The following UNC13C variants were observed in gnomAD, a reference collection of about 807,000 sequenced individuals.
UNC13C encodes the protein protein unc-13 homolog C.
A neutral mutation model predicts 245.4 loss-of-function variants in UNC13C; 174 were observed. The observed-to-expected ratio is 0.71, with a 90% CI of 0.63 to 0.80. UNC13C has a LOEUF of 0.80. UNC13C is among the 30% of genes least tolerant of loss of function. The probability of loss-of-function intolerance (pLI) is 0.00; values close to 1 mark genes in which losing one functional copy is unlikely to be tolerated. For missense variants in UNC13C, 2,829 were observed against 2,602.9 expected (o/e 1.09, Z -1.89); for synonymous variants, 992 against 895.1 (o/e 1.11, Z -1.93).
intron 2 of UNC13C, among the ~76,000 whole-genome samples, chr15:54,056,052 A>G (rs940233685): frequency 6.6e-6 from 1 of 152,126 alleles, no homozygotes; most frequent in Non-Finnish European, 1.5e-5. Flanking sequence ...ATGTCAAGAA[A>G]TTAACATCCA....
At chr15:54,020,213 C>G (rs2141002237) in intron 2 of UNC13C, among the ~76,000 whole-genome samples, 1 of 151,924 alleles carries the variant, frequency 6.6e-6, no homozygotes, top group Non-Finnish European at 1.5e-5. Context: ...TAATTTCCCC[C>G]TTTTTAAACT....
intron 4 of UNC13C, among the ~76,000 whole-genome samples, chr15:54,186,005 C>T (rs1199514357): frequency 2.0e-5 from 3 of 151,318 alleles, no homozygotes; most frequent in Admixed American, 6.6e-5. Context: ...AAGTTGGATT[C>T]CTAGGTATTT....
intron 2 of UNC13C, among the ~76,000 whole-genome samples, chr15:54,068,921 T>C (rs1476458912): frequency 6.6e-6 from 1 of 152,160 alleles, no homozygotes; most frequent in Non-Finnish European, 1.5e-5. Flanking sequence ...CTGAAATAAG[T>C]TATGGTGTTT....
the UNC13C span, among the ~76,000 whole-genome samples, chr15:53,877,876 A>G: frequency 2.0e-5 from 3 of 152,160 alleles, no homozygotes; most frequent in African/African-American, 2.4e-5. Context: ...GGGGATTTCC[A>G]TTACTATAGA....
chr15:54,257,965 A>G (rs1351357082), intron 8 of UNC13C, among the ~76,000 whole-genome samples: 2 of 152,208 alleles, frequency 1.3e-5, no homozygotes, highest in African/African-American at 2.4e-5. Context: ...CAATGAAAGC[A>G]GGCCCACCTA....
chr15:54,610,776 C>G (rs1275884255), intron 30 of UNC13C, among the ~76,000 whole-genome samples: 1 of 152,246 alleles, frequency 6.6e-6, no homozygotes, highest in East Asian at 1.9e-4. Context: ...CTTAGCGAAG[C>G]CTGGATTCAA....
intron 1 of UNC13C, among the ~76,000 whole-genome samples, chr15:53,998,400 ATTT>A: frequency 6.6e-6 from 1 of 152,036 alleles, no homozygotes; most frequent in East Asian, 1.9e-4. Context: ...GTTATAATTG[ATTT>A]TTTATCTTAT....
chr15:54,313,488 T>C (rs2037927659), intron 13 of UNC13C, among the ~76,000 whole-genome samples: 1 of 151,858 alleles, frequency 6.6e-6, no homozygotes, highest in Non-Finnish European at 1.5e-5. Context: ...TTGTTGACTT[T>C]AAGAGTCTCT....
chr15:53,956,510 G>A, the UNC13C span, among the ~76,000 whole-genome samples: 1 of 150,664 alleles, frequency 6.6e-6, no homozygotes, highest in African/African-American at 2.4e-5. Flanking sequence ...GGTCTTAGAT[G>A]GGGTTTGTCT....
chr15:53,985,198 T>G (rs1022156836), intron 1 of UNC13C, among the ~76,000 whole-genome samples: 15 of 152,134 alleles, frequency 9.9e-5, no homozygotes, highest in African/African-American at 3.6e-4. Context: ...GCATGTGGTG[T>G]TTGGTTTTCT....
intron 30 of UNC13C, among the ~76,000 whole-genome samples, chr15:54,614,965 C>A (rs891601330): frequency 6.6e-6 from 1 of 151,908 alleles, no homozygotes; most frequent in African/African-American, 2.4e-5. Context: ...AAGATAGTAT[C>A]TTTTTCTTGT....
chr15:54,188,114 G>T (rs561818663), intron 4 of UNC13C, among the ~76,000 whole-genome samples: 1 of 152,008 alleles, frequency 6.6e-6, no homozygotes, highest in East Asian at 1.9e-4. Flanking sequence ...CTTCGAGCCC[G>T]GCCACACTGT....
chr15:54,616,502 A>C (rs1361864691), intron 30 of UNC13C, among the ~76,000 whole-genome samples: 1 of 152,068 alleles, frequency 6.6e-6, no homozygotes, highest in Non-Finnish European at 1.5e-5. Flanking sequence ...ATTTTAAAAA[A>C]TGATGTTGAG....
chr15:54,316,079 A>C (rs1476848283), intron 13 of UNC13C, among the ~76,000 whole-genome samples: 2 of 151,886 alleles, frequency 1.3e-5, no homozygotes, highest in African/African-American at 4.8e-5. Flanking sequence ...TCACTTCCTA[A>C]GACATGTTGA....
At chr15:54,370,092 G>C (rs1176743424) in intron 17 of UNC13C, among the ~76,000 whole-genome samples, 4 of 152,066 alleles carry the variant, frequency 2.6e-5, no homozygotes, top group African/African-American at 9.7e-5. Context: ...GCCAACGCTT[G>C]GCATTTCTGC....
At chr15:54,401,615 C>T (rs547426) in intron 18 of UNC13C, among the ~76,000 whole-genome samples, 121,727 of 152,056 alleles carry the variant, frequency 0.8, 48,779 homozygotes, top group East Asian at 0.9. Context: ...AAGATCGCGT[C>T]GAGAGAGAAG....
In UNC13C at chr15:53,993,854, A is replaced by G. The variant is rs148677584; in HGVS notation, c.-257+14927A>G. On this transcript the variant is annotated intron_variant, in intron 1 of 32. Coordinates refer to ENST00000260323, the MANE Select transcript of UNC13C (RefSeq NM_001080534.3). The stretch of plus-strand genomic sequence containing the variant: ...CAAGGCCTCAATAATGGTCTAGGCT[A>G]TGTAAGGGGAATGGACAAACACAGG... Among the ~76,000 whole-genome samples, 253 of 152,132 alleles carry G rather than the reference A, an allele frequency of 1.7e-3. 2 individuals carry two copies. The highest frequency in any genetic ancestry group is 5.9e-3 in the African/African-American group (247 of 41,526).
chr15:54,088,377 G>A (rs1899369208), intron 2 of UNC13C, among the ~76,000 whole-genome samples: 1 of 152,054 alleles, frequency 6.6e-6, no homozygotes, highest in Non-Finnish European at 1.5e-5. Context: ...GTTGGGCAGA[G>A]AGGGGACATG....
chr15:53,993,184 G>A (rs1003109362), intron 1 of UNC13C, among the ~76,000 whole-genome samples: 1 of 152,128 alleles, frequency 6.6e-6, no homozygotes, highest in East Asian at 1.9e-4. Context: ...AGAAATATAC[G>A]CTGAACTTCT....
Sources: gnomAD v4.1 joint callset for allele counts (sites outside exome capture counted in the v4.1 genomes callset) on GRCh38, gnomAD v4.1.1 for gene constraint, MANE v1.5 for transcripts, NCBI Gene and HGNC (gene_info 2026-07-23, HGNC 2026-07-21) for gene names.